The following TPR variants were observed in gnomAD, a reference collection of about 807,000 sequenced individuals.
TPR encodes the protein translocated promoter region, nuclear basket protein.
TPR carries 51 observed loss-of-function variants against 316.1 expected under a neutral mutation model. The observed-to-expected ratio is 0.16, with a 90% CI of 0.13 to 0.20. The LOEUF (loss-of-function observed/expected upper bound fraction) is 0.20, where lower values mean the gene tolerates loss of function less well. Among genes scored for constraint, TPR ranks in the 10% least tolerant of loss-of-function variants. The pLI is 1.00. For synonymous variants in TPR, 981 were observed against 914.7 expected, an observed-to-expected ratio of 1.07 and a Z score of -1.31; for missense variants, 2,272 against 2,754.8, an observed-to-expected ratio of 0.82 and a Z score of 3.92.
intron 3 of TPR, among the ~76,000 whole-genome samples, chr1:186,369,267 ATT>A (rs112390222): frequency 6.6e-6 from 1 of 150,750 alleles, no homozygotes; most frequent in African/African-American, 2.4e-5. Flanking sequence ...GAATTTCAGA[ATT>A]TTTTTTTTCT....
At chr1:186,345,790 T>C (rs1364496791) in intron 23 of TPR, 94 bp from the exon 24 acceptor site, 12 of 939,314 alleles carry the variant, frequency 1.3e-5, no homozygotes, top group Non-Finnish European at 1.7e-5. Context: ...GTCTCATTTT[T>C]TAAGATCCAA....
intron 19 of TPR, 112 bp from the exon 20 acceptor site, chr1:186,351,582 G>T: frequency 8.7e-7 from 1 of 1,148,756 alleles, no homozygotes; most frequent in Non-Finnish European, 1.2e-6. Flanking sequence ...ACATGAAGCA[G>T]CTAAAATCTA....
Position 186,317,518 on chromosome 1 carries a change from A to G in TPR, c.6904T>C (p.Ser2302Pro). 1 of 1,614,144 alleles carries G rather than the reference A, an allele frequency of 6.2e-7. No individual in the cohort carries two copies. Among genetic ancestry groups the G allele is most frequent in the Non-Finnish European group, 8.5e-7 (1 of 1,180,012 alleles). Residue 2302 changes from serine to proline, a missense_variant, in exon 49 of 51, where the codon TCC becomes CCC. By Grantham distance (74) the Ser-to-Pro change is moderately conservative. Coordinates refer to ENST00000367478, the MANE Select transcript of TPR (RefSeq NM_003292.3). ...CTAGAAGGAGGATCCTGGCTGGTGG[A>G]GGGGAGATCTGACTCATCAGATGCT... Reference protein sequence around the residue: ...VQASDESDLPSTSQDPPSSSS... With the variant: ...VQASDESDLPPTSQDPPSSSS...
chr1:186,360,562 T>C (rs1659155351), intron 10 of TPR, among the ~76,000 whole-genome samples, 198 bp from the exon 11 acceptor site: 2 of 152,162 alleles, frequency 1.3e-5, no homozygotes, highest in African/African-American at 4.8e-5. Context: ...TACAAGACTG[T>C]GTGTGATCAA....
intron 4 of TPR, among the ~76,000 whole-genome samples, chr1:186,367,060 CTTTTTTTTTTTTTTT>C (rs71104854): frequency 1.1e-5 from 1 of 89,568 alleles, no homozygotes; most frequent in Non-Finnish European, 2.2e-5. Context: ...CCCAAAACAC[CTTTTTTTTTTTTTTT>C]TTTTTTTTTG....
At chr1:186,365,370 A>C (rs1227896228) in intron 4 of TPR, among the ~76,000 whole-genome samples, 1 of 151,566 alleles carries the variant, frequency 6.6e-6, no homozygotes, top group Admixed American at 6.6e-5. Flanking sequence ...TGCTGGGATT[A>C]TAGGCATGAG....
chr1:186,332,074 A>G (rs989619494), intron 38 of TPR, 121 bp downstream of exon 38: 21 of 1,074,032 alleles, frequency 2.0e-5, no homozygotes, highest in Non-Finnish European at 2.7e-5. Flanking sequence ...AAGTTCAATA[A>G]AAGTGTTTTC....
Position 186,333,027 on chromosome 1 carries a change from G to T in TPR, c.5455+95C>A, listed in dbSNP as rs983725529. ...GCGTAGGTCTATTCTAACTTCATTTGTACAAAGAATACTCAAGATATATAT... is the reference window on the plus strand; with the variant it reads ...GCGTAGGTCTATTCTAACTTCATTTTTACAAAGAATACTCAAGATATATAT... On this transcript the variant is annotated intron_variant, in intron 37 of 50. Coordinates refer to ENST00000367478, the MANE Select transcript of TPR (RefSeq NM_003292.3). 8.5e-6 allele frequency: 12 copies of T among 1,418,832 alleles called. No individual in the cohort carries two copies. The Admixed American group carries it at 9.7e-5, about 11-fold the overall frequency. The allele number at this position is 1,418,832 out of a possible 1,614,324, so 87.9% of individuals were successfully genotyped here. A position where few individuals can be genotyped will look rare whatever the true frequency, so the allele number is the denominator to read the frequency against.
Position 186,347,820 on chromosome 1 carries a change from G to A in TPR, c.2777-362C>T, listed in dbSNP as rs533139058. ...CCGAATGGAGGGAGCAGCTGGAGCC[G>A]TGGCAGAGGAACATAAATTGTGACG... On this transcript the variant is annotated intron_variant, in intron 21 of 50. Coordinates refer to ENST00000367478, the MANE Select transcript of TPR (RefSeq NM_003292.3). Among the ~76,000 whole-genome samples, 19 of 152,272 alleles carry A rather than the reference G, an allele frequency of 1.2e-4. 1 individual carries two copies. The highest frequency in any genetic ancestry group is 3.4e-4 in the African/African-American group (14 of 41,568).
chr1:186,351,589 T>G (rs1383856291), intron 19 of TPR, 119 bp from the exon 20 acceptor site: 5 of 1,065,590 alleles, frequency 4.7e-6, no homozygotes, highest in Non-Finnish European at 5.1e-6. Flanking sequence ...GCAGCTAAAA[T>G]CTACAGTATT....
intron 5 of TPR, 23 bp from the exon 6 acceptor site, chr1:186,363,024 C>A (rs754099924): frequency 5.1e-6 from 8 of 1,582,504 alleles, no homozygotes; most frequent in Non-Finnish European, 6.8e-6. Context: ...AAGAAAATAA[C>A]ACGTACAGTT....
At chr1:186,351,562 A>G (rs1658862756) in intron 19 of TPR, 92 bp from the exon 20 acceptor site, 1 of 1,347,744 alleles carries the variant, frequency 7.4e-7, no homozygotes, top group Admixed American at 3.0e-5. Context: ...CAATATTACA[A>G]CCCATTTCTA....
At chr1:186,343,774 G>T in intron 26 of TPR, 132 bp downstream of exon 26, 1 of 920,282 alleles carries the variant, frequency 1.1e-6, no homozygotes, top group Non-Finnish European at 1.6e-6. Context: ...TAAAAGTTAT[G>T]AGTTCTTTGA....
intron 29 of TPR, among the ~76,000 whole-genome samples, chr1:186,340,517 G>A (rs1254707690): frequency 1.3e-5 from 2 of 151,186 alleles, no homozygotes; most frequent in Non-Finnish European, 2.9e-5. Flanking sequence ...CTGCAGCTTC[G>A]ACCTCCTGGG....
At chr1:186,353,588 A>C (rs1658937647) in intron 18 of TPR, 100 bp downstream of exon 18, 1 of 1,362,658 alleles carries the variant, frequency 7.3e-7, no homozygotes, top group Admixed American at 2.3e-5. Flanking sequence ...CAAACTTCTT[A>C]AATACCTAAG....
rs965744296 is a variant in TPR at position 186,375,066 on chromosome 1, G to A, written c.-38C>T. The A allele has an allele frequency of 1.9e-6, 3 of 1,613,144 alleles. No homozygotes were observed. The highest frequency in any genetic ancestry group is 2.5e-6 in the Non-Finnish European group (3 of 1,179,764). On this transcript the variant is annotated 5_prime_UTR_variant, in exon 1 of 51. Transcript: ENST00000367478. The stretch of plus-strand genomic sequence containing the variant: ...AGGGACCCCAGTGGCAGCGGCCGAC[G>A]GGGTAGAAGCGGAGAAGAAAGGCGA...
chr1:186,334,322 A>G lies in TPR; in HGVS notation c.5182+3T>C. ...CTCATCAGATCTGTATTATTTTACT[A>G]ACCTTCCTGTGATTCCACTTGTGTA... On this transcript the variant is annotated splice_donor_region_variant and intron_variant, in intron 36 of 50. Coordinates refer to ENST00000367478, the MANE Select transcript of TPR (RefSeq NM_003292.3). 6.2e-7 allele frequency: 1 copy of G among 1,609,434 alleles called. No individual in the cohort carries two copies. The highest frequency in any genetic ancestry group is 1.1e-5 in the South Asian group (1 of 90,718).
chr1:186,331,715 T>G, intron 38 of TPR, 134 bp from the exon 39 acceptor site: 1 of 476,100 alleles, frequency 2.1e-6, no homozygotes, highest in East Asian at 3.6e-5. Flanking sequence ...TAAAAAAATT[T>G]TATTTAAAAA....
At chr1:186,337,941 C>A (rs1417522889) in intron 31 of TPR, 92 bp downstream of exon 31, 2 of 1,061,384 alleles carry the variant, frequency 1.9e-6, no homozygotes, top group East Asian at 5.2e-5. Context: ...ATTTCGGTAT[C>A]TAAAAGCTAG....
Sources: allele counts gnomAD v4.1 joint callset (sites outside exome capture counted in the v4.1 genomes callset), GRCh38; gene constraint gnomAD v4.1.1; transcripts MANE v1.5; gene names NCBI Gene and HGNC (gene_info 2026-07-23, HGNC 2026-07-21).